Variants in SKOR1 observed in about 807,000 individuals in gnomAD.
SKOR1 encodes the protein SKI family transcriptional corepressor 1.
SKOR1 carries 38 observed loss-of-function variants against 72.4 expected under a neutral mutation model. The ratio of observed to expected loss-of-function variants is 0.52; its 90% CI spans 0.40 to 0.69. The LOEUF is 0.69. Ranked by LOEUF, SKOR1 falls within the 30% of genes least tolerant of loss-of-function variation. The probability of loss-of-function intolerance (pLI) is 0.00; values close to 1 mark genes in which losing one functional copy is unlikely to be tolerated. For missense variants in SKOR1, 1,320 were observed against 1,343.2 expected (o/e 0.98, Z 0.27); for synonymous variants, 642 against 599.4 (o/e 1.07, Z -1.04).
At position 67,832,010 on chromosome 15, in the gene SKOR1, A is replaced by C. The variant is rs1029867635; in HGVS notation, c.2588-264A>C. Among the ~76,000 whole-genome samples the C allele has an allele frequency of 6.6e-6, 1 of 152,002 alleles. No individual in the cohort carries two copies. The highest frequency in any genetic ancestry group is 1.5e-5 in the Non-Finnish European group (1 of 68,028). ...AGGTTAGGGAGTGAGGAACAACTTAAAGCAGTTGCCCAGCTGCATAGTTCC... is the reference window on the plus strand; with the variant it reads ...AGGTTAGGGAGTGAGGAACAACTTACAGCAGTTGCCCAGCTGCATAGTTCC... On this transcript the variant is annotated intron_variant, in intron 5 of 8. Transcript: ENST00000380035. This position sits in a 1 kb window ranked among gnomAD's most constrained non-coding sequence, Gnocchi z 4.5.
Position 67,833,025 on chromosome 15 carries a change from C to T in SKOR1, c.2738-167C>T, listed in dbSNP as rs983565526. On this transcript the variant is annotated intron_variant, in intron 7 of 8. Transcript: ENST00000380035. The surrounding 1 kb of genome is among the most constrained non-coding windows in gnomAD (Gnocchi z 6.0). ...TTTAAGCGCCATCCCAGGCCATTTC[C>T]TTCCTCCGCCAGTCTGCAGTTAGGA... is the stretch of plus-strand genomic sequence containing the variant. The T allele has an allele frequency of 1.3e-5, 9 of 693,492 alleles. 1 individual carries two copies. The highest frequency in any genetic ancestry group is 2.2e-5 in the Non-Finnish European group (9 of 407,074). 43.0% of individuals were successfully genotyped at this position (693,492 alleles called of 1,614,324 possible).
At chr15:67,830,939 G>T in intron 5 of SKOR1, 50 bp downstream of exon 5, 1 of 1,570,516 alleles carries the variant, frequency 6.4e-7, no homozygotes, top group Non-Finnish European at 8.8e-7. Context: ...AGAGTGATGG[G>T]TCATTCCTGT....
chr15:67,825,928 T>C lies in SKOR1; in HGVS notation c.108-8T>C. Reference sequence around the variant, plus strand: ...GCTCATCTGCTCTCTGCTTTCTCTATTTCGCAGGAGCGGCGGCATGGAGGC... The same window carrying C: ...GCTCATCTGCTCTCTGCTTTCTCTACTTCGCAGGAGCGGCGGCATGGAGGC... On this transcript the variant is annotated splice_polypyrimidine_tract_variant and splice_region_variant and intron_variant, in intron 1 of 8. Coordinates refer to ENST00000380035, the MANE Select transcript of SKOR1 (RefSeq NM_001365915.1). The surrounding 1 kb of genome is among the most constrained non-coding windows in gnomAD (Gnocchi z 5.6). The C allele has an allele frequency of 6.6e-7, 1 of 1,513,040 alleles. No individual in the cohort carries two copies. The highest frequency in any genetic ancestry group is 1.3e-5 in the South Asian group (1 of 75,312). 93.7% of individuals were successfully genotyped at this position (1,513,040 alleles called of 1,614,324 possible). A position where few individuals can be genotyped will look rare whatever the true frequency, so the allele number is the denominator to read the frequency against.
chr15:67,831,916 T>G (rs1283778901), intron 5 of SKOR1, among the ~76,000 whole-genome samples: 60 of 30,846 alleles, frequency 1.9e-3, no homozygotes, highest in African/African-American at 3.1e-3. Context: ...GGGGGGGAGG[T>G]CGGGGCCGGG....
At position 67,833,133 on chromosome 15, in the gene SKOR1, C is replaced by A; in HGVS notation, c.2738-59C>A. 6.3e-7 allele frequency: 1 copy of A among 1,580,942 alleles called. No homozygotes were observed. The highest frequency in any genetic ancestry group is 1.1e-5 in the South Asian group (1 of 89,776). On this transcript the variant is annotated intron_variant, in intron 7 of 8. Transcript: ENST00000380035. The surrounding 1 kb of genome is among the most constrained non-coding windows in gnomAD (Gnocchi z 6.0). ...GGAGAGGAGGAAGCCCGGGCTGTGA[C>A]CCCGGCCTTTCGGAGGGTGGTCTGC...
intron 3 of SKOR1, 76 bp downstream of exon 3, chr15:67,829,345 G>C: frequency 7.9e-7 from 1 of 1,261,820 alleles, no homozygotes; most frequent in Non-Finnish European, 1.1e-6. Context: ...GAAGGCCTGC[G>C]AAGGAAGACA....
Position 67,833,565 on chromosome 15 carries a change from A to G in SKOR1, c.2804-177A>G, listed in dbSNP as rs1888561957. 6.6e-6 allele frequency among the ~76,000 whole-genome samples: 1 copy of G among 152,206 alleles called. No homozygotes were observed. Among genetic ancestry groups the G allele is most frequent in the Admixed American group, 6.5e-5 (1 of 15,288 alleles). ...TTCTGTAAAATGGGGCTACTGAACC[A>G]GAGCAGTGGTTCTGAATCACCAGCT... On this transcript the variant is annotated intron_variant, in intron 8 of 8. Coordinates refer to ENST00000380035, the MANE Select transcript of SKOR1 (RefSeq NM_001365915.1). The surrounding 1 kb of genome is among the most constrained non-coding windows in gnomAD (Gnocchi z 6.0).
rs1001424872 is a variant in SKOR1, at chr15:67,827,044, T to A, written c.1216T>A (p.Cys406Ser). 5.7e-6 allele frequency: 9 copies of A among 1,566,906 alleles called. No individual in the cohort carries two copies. Among genetic ancestry groups the A allele is most frequent in the Non-Finnish European group, 7.7e-6 (9 of 1,163,870 alleles). ...PYGFPTAFGLCPKKDDPVLGA... is the reference protein window; with the variant it reads ...PYGFPTAFGLSPKKDDPVLGA... ...CGGCTTCCCTACGGCCTTCGGCCTA[T>A]GCCCCAAAAAGGACGACCCGGTTTT... The change falls in exon 2 of 9, where the codon TGC (cysteine) becomes AGC (serine). Residue 406 changes from cysteine to serine, a missense_variant. This residue lies in a region of SKOR1 where 1,099 missense variants were observed against 1,025.5 expected (regional missense o/e 1.07). Coordinates refer to ENST00000380035, the MANE Select transcript of SKOR1 (RefSeq NM_001365915.1).
In SKOR1 at chr15:67,825,798, AG is replaced by A; in HGVS notation, c.107+94del. 6.7e-7 allele frequency: 1 copy of A among 1,499,968 alleles called. No individual in the cohort carries two copies. Among genetic ancestry groups the A allele is most frequent in the Non-Finnish European group, 9.1e-7 (1 of 1,096,910 alleles). 92.9% of individuals were successfully genotyped at this position (1,499,968 alleles called of 1,614,324 possible). ...TCTGAGTAACAAAAGACGCCTGTCC[AG>A]GGGGTGAATGAGTTTGGACTCCCCA... On this transcript the variant is annotated intron_variant, in intron 1 of 8. Coordinates refer to ENST00000380035, the MANE Select transcript of SKOR1 (RefSeq NM_001365915.1). This position sits in a 1 kb window ranked among gnomAD's most constrained non-coding sequence, Gnocchi z 5.6.
chr15:67,828,700 T>G (rs556729493), intron 2 of SKOR1, among the ~76,000 whole-genome samples: 1 of 152,172 alleles, frequency 6.6e-6, no homozygotes, highest in Admixed American at 6.5e-5. Flanking sequence ...CGGGACCGCG[T>G]GCGGAGCGGG....
At position 67,826,221 on chromosome 15, in the gene SKOR1, G is replaced by C; in HGVS notation, c.393G>C (p.Thr131=). ...TGGGCATCACGTGCGTGCAGTGCAC[G>C]CCGGTACAGCTGGAGATTCTGCGTC... ...VALGITCVQC[T]PVQLEILRRA... is the part of the protein sequence containing the mutation. Residue 131 remains threonine (T), a synonymous_variant, in exon 2 of 9, where the codon ACG becomes ACC. Transcript: ENST00000380035. 6.2e-7 allele frequency: 1 copy of C among 1,613,230 alleles called. No individual in the cohort carries two copies. Among genetic ancestry groups the C allele is most frequent in the South Asian group, 1.1e-5 (1 of 91,084 alleles).
Position 67,832,582 on chromosome 15 carries a change from G to A in SKOR1, c.2663-25G>A. 1 of 1,606,012 alleles carries A rather than the reference G, an allele frequency of 6.2e-7. No individual in the cohort carries two copies. The highest frequency in any genetic ancestry group is 8.5e-7 in the Non-Finnish European group (1 of 1,173,286). Reference sequence around the variant, plus strand: ...CCGGGAGAGGGGGCTGTGCGTAACAGCTCTCACTTAATCAATTTGCACAGA... The same window carrying A: ...CCGGGAGAGGGGGCTGTGCGTAACAACTCTCACTTAATCAATTTGCACAGA... On this transcript the variant is annotated intron_variant, in intron 6 of 8. Coordinates refer to ENST00000380035, the MANE Select transcript of SKOR1 (RefSeq NM_001365915.1). The surrounding 1 kb of genome is among the most constrained non-coding windows in gnomAD (Gnocchi z 4.5).
In SKOR1 at chr15:67,826,205, C is replaced by G; in HGVS notation, c.377C>G (p.Thr126Arg). ...AACCGCCGCGTGGCCCTGGGCATCA[C>G]GTGCGTGCAGTGCACGCCGGTACAG... ...IHNRRVALGI[T>R]CVQCTPVQLE... The change falls in exon 2 of 9, where the codon ACG becomes AGG. Residue 126 changes from threonine to arginine, a missense_variant. By Grantham distance (71) the Thr-to-Arg change is moderately conservative. Around this residue, in one of 3 missense-constraint regions of SKOR1, gnomAD observed 101 missense variants for 212.8 expected, o/e 0.47. Transcript: ENST00000380035. 6.2e-7 allele frequency: 1 copy of G among 1,613,436 alleles called. No individual in the cohort carries two copies. The highest frequency in any genetic ancestry group is 8.5e-7 in the Non-Finnish European group (1 of 1,180,000).
rs950294285 is a variant in SKOR1, at chr15:67,827,619, G to A, written c.1791G>A (p.Pro597=). The A allele has an allele frequency of 2.6e-6, 4 of 1,529,014 alleles. No individual in the cohort carries two copies. Among genetic ancestry groups the A allele is most frequent in the Admixed American group, 2.0e-5 (1 of 50,000 alleles). The allele number at this position is 1,529,014 out of a possible 1,614,324, so 94.7% of individuals were successfully genotyped here. The change falls in exon 2 of 9, where the codon CCG becomes CCA. Residue 597 remains proline, a synonymous_variant. Coordinates refer to ENST00000380035, the MANE Select transcript of SKOR1 (RefSeq NM_001365915.1). ...GCTCCTACGTGTCGGCCTTCCGGCCGGTGGTCAAGGACACCGAGAGCATCG... is the reference window on the plus strand; with the variant it reads ...GCTCCTACGTGTCGGCCTTCCGGCCAGTGGTCAAGGACACCGAGAGCATCG... The part of the protein sequence containing the change: ...RKGSYVSAFR[P]VVKDTESIAK...
At position 67,827,990 on chromosome 15, in the gene SKOR1, G is replaced by A; in HGVS notation, c.2162G>A (p.Arg721His). 2.0e-6 allele frequency: 3 copies of A among 1,537,166 alleles called. No homozygotes were observed. The highest frequency in any genetic ancestry group is 1.4e-5 in the African/African-American group (1 of 72,420). Reference sequence around the variant, plus strand: ...GACGGCGGCAGCCCCCGCCCCCGGCGCCGCCTCGGGCCACCCCCAGCTGGC... The same window carrying A: ...GACGGCGGCAGCCCCCGCCCCCGGCACCGCCTCGGGCCACCCCCAGCTGGC... ...SPDGGSPRPR[R>H]RLGPPPAGRP... The change falls in exon 2 of 9, where the codon CGC becomes CAC. Residue 721 changes from arginine (R) to histidine (H), a missense_variant. Around this residue, in one of 3 missense-constraint regions of SKOR1, gnomAD observed 1,099 missense variants for 1,025.5 expected, o/e 1.07. Coordinates refer to ENST00000380035, the MANE Select transcript of SKOR1 (RefSeq NM_001365915.1).
Position 67,832,532 on chromosome 15 carries a change from G to C in SKOR1, c.2663-75G>C. ...GGGAGTTGGGGGTAGGGGTGAAAGGGGGGGCCAGGAGTGAGAAAGTGGAGC... is the reference window on the plus strand; with the variant it reads ...GGGAGTTGGGGGTAGGGGTGAAAGGCGGGGCCAGGAGTGAGAAAGTGGAGC... On this transcript the variant is annotated intron_variant, in intron 6 of 8. Transcript: ENST00000380035. This position sits in a 1 kb window ranked among gnomAD's most constrained non-coding sequence, Gnocchi z 4.5. 2.1e-6 allele frequency: 3 copies of C among 1,436,672 alleles called. No homozygotes were observed. The highest frequency in any genetic ancestry group is 1.7e-5 in the Admixed American group (1 of 58,592). The allele number at this position is 1,436,672 out of a possible 1,614,324, so 89.0% of individuals were successfully genotyped here.
rs376396229 is a variant in SKOR1 at position 67,830,938 on chromosome 15, G to T, written c.2587+49G>T. 1.5e-3 allele frequency: 2,368 copies of T among 1,572,476 alleles called. 3 individuals are homozygous for T. The highest frequency in any genetic ancestry group is 1.9e-3 in the Non-Finnish European group (2,136 of 1,142,214). ...GTGTACGCTGTGCTTGAGAGTGATG[G>T]GTCATTCCTGTAGAGGGGTGTTATC... is the stretch of plus-strand genomic sequence containing the variant. On this transcript the variant is annotated intron_variant, in intron 5 of 8. Transcript: ENST00000380035.
At chr15:67,830,372 G>A in intron 4 of SKOR1, 74 bp downstream of exon 4, 1 of 1,303,134 alleles carries the variant, frequency 7.7e-7, no homozygotes, top group South Asian at 1.2e-5. Flanking sequence ...GGTTCCCAGA[G>A]GCTTGCGAGA....
chr15:67,832,240 T>A lies in SKOR1; in HGVS notation c.2588-34T>A. 6.2e-7 allele frequency: 1 copy of A among 1,605,254 alleles called. No individual in the cohort carries two copies. Among genetic ancestry groups the A allele is most frequent in the Non-Finnish European group, 8.5e-7 (1 of 1,172,204 alleles). On this transcript the variant is annotated intron_variant, in intron 5 of 8. Coordinates refer to ENST00000380035, the MANE Select transcript of SKOR1 (RefSeq NM_001365915.1). The surrounding 1 kb of genome is among the most constrained non-coding windows in gnomAD (Gnocchi z 4.5). ...GAGCTCCAAATAACCCTGCTTTACC[T>A]CCCACTTTACCTCCCACTTTTCCCC...
Sources: gnomAD v4.1 joint callset for allele counts (sites outside exome capture counted in the v4.1 genomes callset) on GRCh38, gnomAD v4.1.1 for gene constraint, gnomAD v4.1.1 regional missense constraint, Gnocchi (gnomAD v3.1) non-coding constraint, MANE v1.5 for transcripts, NCBI Gene and HGNC (gene_info 2026-07-23, HGNC 2026-07-21) for gene names.